Variants in PRELID2 observed in about 807,000 individuals in gnomAD.
The protein encoded by PRELID2 is PRELI domain-containing protein 2.
In PRELID2, 25 loss-of-function variants were observed where a neutral mutation model predicts 28.4. That is an observed-to-expected ratio of 0.88 (90% CI 0.64 to 1.23). The LOEUF (loss-of-function observed/expected upper bound fraction) is 1.23. PRELID2 is among the 50% of genes most tolerant of loss of function. PRELID2 has a pLI of 0.00. For synonymous variants in PRELID2, 76 were observed against 71.6 expected, an observed-to-expected ratio of 1.06 and a Z score of -0.31; for missense variants, 201 against 214.4, an observed-to-expected ratio of 0.94 and a Z score of 0.39.
intron 1 of PRELID2, among the ~76,000 whole-genome samples, chr5:145,476,182 G>A (rs1039106648): frequency 3.3e-5 from 5 of 152,216 alleles, no homozygotes; most frequent in Non-Finnish European, 7.3e-5. Flanking sequence ...AAGTGATTCT[G>A]ATGCACTGGG....
At chr5:145,587,642 T>C (rs1580986213) in intron 1 of PRELID2, among the ~76,000 whole-genome samples, 1 of 152,166 alleles carries the variant, frequency 6.6e-6, no homozygotes, top group African/African-American at 2.4e-5. Flanking sequence ...TACTTCATAC[T>C]CAATTTTATT....
chr5:145,503,075 T>A (rs1273937238), intron 1 of PRELID2, among the ~76,000 whole-genome samples: 1 of 152,086 alleles, frequency 6.6e-6, no homozygotes, highest in African/African-American at 2.4e-5. Flanking sequence ...TGGGAGAGTA[T>A]TCACAGGGGG....
chr5:145,443,638 C>G, the PRELID2 span, among the ~76,000 whole-genome samples: 116 of 152,144 alleles, frequency 7.6e-4, no homozygotes, highest in Middle Eastern at 6.8e-3. Flanking sequence ...TAATGTAGAG[C>G]ACAGTTCCAC....
intron 1 of PRELID2, among the ~76,000 whole-genome samples, chr5:145,689,410 T>C (rs960152635): frequency 6.6e-6 from 1 of 152,208 alleles, no homozygotes; most frequent in Non-Finnish European, 1.5e-5. Flanking sequence ...CAAGGCCCTG[T>C]TCCTCCTCTA....
intron 1 of PRELID2, among the ~76,000 whole-genome samples, chr5:145,603,154 G>GAACA (rs111435185): frequency 0.11 from 16,437 of 151,798 alleles, 2,866 homozygotes; most frequent in African/African-American, 0.37. Flanking sequence ...TGAAAGAAAA[G>GAACA]AACAGATACT....
At chr5:145,695,852 T>C (rs999868210) in intron 1 of PRELID2, among the ~76,000 whole-genome samples, 3 of 152,030 alleles carry the variant, frequency 2.0e-5, no homozygotes, top group East Asian at 3.9e-4. Flanking sequence ...ACTTCTACCA[T>C]AGTCAACTGA....
At position 145,627,605 on chromosome 5, in the gene PRELID2, AT is replaced by A. The variant is rs1297151278; in HGVS notation, n.70+137325del. Among the ~76,000 whole-genome samples, 3 of 152,304 alleles carry A rather than the reference AT, an allele frequency of 2.0e-5. No homozygotes were observed. The East Asian group carries it at 5.8e-4, about 29-fold the overall frequency. On this transcript the variant is annotated intron_variant and non_coding_transcript_variant, in intron 1 of 2. Transcript: ENST00000510259. ...CTCAGCAAAACCATGGGAAAAGCTCATTACCTGATCTCCCTACATCAACCCT... is the reference window on the plus strand; with the variant it reads ...CTCAGCAAAACCATGGGAAAAGCTCATACCTGATCTCCCTACATCAACCCT...
rs189694515 is a variant in PRELID2 at position 145,619,493 on chromosome 5, C to A, written n.70+145438G>T. ...CAGTTTCCCTAGCAGGAGTGTGTGCCTGGGGGCAGAGGATCTCCCTTTCCC... is the reference window on the plus strand; with the variant it reads ...CAGTTTCCCTAGCAGGAGTGTGTGCATGGGGGCAGAGGATCTCCCTTTCCC... On this transcript the variant is annotated intron_variant and non_coding_transcript_variant, in intron 1 of 2. Coordinates refer to the PRELID2 transcript ENST00000510259. Among the ~76,000 whole-genome samples, 1,010 of 152,338 alleles carry A rather than the reference C, an allele frequency of 6.6e-3. 9 individuals are homozygous for A. The highest frequency in any genetic ancestry group is 0.01 in the Non-Finnish European group (707 of 68,022).
At chr5:145,441,769 G>A in the PRELID2 span, among the ~76,000 whole-genome samples, 1 of 152,070 alleles carries the variant, frequency 6.6e-6, no homozygotes, top group Non-Finnish European at 1.5e-5. Context: ...AGTTTGCTCT[G>A]TTAGCATTTT....
chr5:145,576,676 TAAAA>T (rs61665534), intron 1 of PRELID2, among the ~76,000 whole-genome samples: 2 of 141,436 alleles, frequency 1.4e-5, no homozygotes, highest in Admixed American at 1.4e-4. Flanking sequence ...AGCACAATAG[TAAAA>T]AAAAAAAAAA....
chr5:145,407,297 A>G, the PRELID2 span, among the ~76,000 whole-genome samples: 1 of 151,976 alleles, frequency 6.6e-6, no homozygotes, highest in African/African-American at 2.4e-5. Flanking sequence ...GAGACTGGAG[A>G]CTGGCCTTGC....
chr5:145,720,210 G>T lies in PRELID2; in HGVS notation n.70+44721C>A, dbSNP rs549590991. Among the ~76,000 whole-genome samples, 18 of 151,728 alleles carry T rather than the reference G, an allele frequency of 1.2e-4. No individual in the cohort carries two copies. The South Asian group carries it at 3.7e-3, about 32-fold the overall frequency. On this transcript the variant is annotated intron_variant and non_coding_transcript_variant, in intron 1 of 2. Transcript: ENST00000510259. ...AAAATATAATTTCAGAAAATGTTCA[G>T]GAAATTACAGAAAATCTAAATCCAC...
intron 1 of PRELID2, among the ~76,000 whole-genome samples, chr5:145,482,792 G>A (rs1752174126): frequency 6.6e-6 from 1 of 151,726 alleles, no homozygotes; most frequent in African/African-American, 2.4e-5. Context: ...GGGGTGATGG[G>A]AGACAGTGAC....
At chr5:145,559,034 C>T (rs554831217) in intron 1 of PRELID2, among the ~76,000 whole-genome samples, 20 of 152,232 alleles carry the variant, frequency 1.3e-4, no homozygotes, top group African/African-American at 4.6e-4. Context: ...ACAGGCGGAT[C>T]ACGAGGTCAG....
chr5:145,264,945 A>G, the PRELID2 span, among the ~76,000 whole-genome samples: 11,832 of 145,444 alleles, frequency 0.081, 1,059 homozygotes, highest in African/African-American at 0.23. Context: ...TTGCACTCCA[A>G]CCTGGGCAAC....
intron 1 of PRELID2, among the ~76,000 whole-genome samples, chr5:145,527,328 T>C (rs1317152086): frequency 6.6e-6 from 1 of 152,214 alleles, no homozygotes; most frequent in African/African-American, 2.4e-5. Context: ...ATAAGGTTGG[T>C]GGATTATACC....
chr5:145,350,340 T>C, the PRELID2 span, among the ~76,000 whole-genome samples: 1 of 152,006 alleles, frequency 6.6e-6, no homozygotes, highest in Non-Finnish European at 1.5e-5. Context: ...TTGGCCTGGG[T>C]CTTAAAGGAT....
At chr5:145,251,935 C>A in the PRELID2 span, among the ~76,000 whole-genome samples, 1 of 152,126 alleles carries the variant, frequency 6.6e-6, no homozygotes, top group Non-Finnish European at 1.5e-5. Context: ...TCCCTCTTGT[C>A]TCAACTTTTC....
At chr5:145,448,228 A>G in the PRELID2 span, among the ~76,000 whole-genome samples, 87 of 151,662 alleles carry the variant, frequency 5.7e-4, no homozygotes, top group Non-Finnish European at 1.1e-3. Context: ...GCCAGTGATG[A>G]TGAGCATTTT....
Sources: gnomAD v4.1 joint callset for allele counts (sites outside exome capture counted in the v4.1 genomes callset) on GRCh38, gnomAD v4.1.1 for gene constraint, MANE v1.5 for transcripts, NCBI Gene and HGNC (gene_info 2026-07-23, HGNC 2026-07-21) for gene names.